IL1R1: variants seen among roughly 807,000 people sequenced by gnomAD.
The protein encoded by IL1R1 is interleukin 1 receptor type 1.
In IL1R1, 22 loss-of-function variants were observed where a neutral mutation model predicts 50.2. The observed-to-expected ratio is 0.44, with a 90% CI of 0.31 to 0.63. The LOEUF is 0.63. Among genes scored for constraint, IL1R1 ranks in the 20% least tolerant of loss-of-function variants. IL1R1 has a pLI of 0.07. For missense variants in IL1R1, 509 were observed against 676.2 expected (o/e 0.75, Z 2.74); for synonymous variants, 251 against 236.7 (o/e 1.06, Z -0.55).
intron 1 of IL1R1, among the ~76,000 whole-genome samples, chr2:102,096,538 T>A (rs1655944855): frequency 6.6e-6 from 1 of 152,146 alleles, no homozygotes; most frequent in Admixed American, 6.5e-5. Flanking sequence ...CCTGTTTTTG[T>A]CTTTTTTTGC....
intron 1 of IL1R1, among the ~76,000 whole-genome samples, chr2:102,098,541 C>T (rs77325049): frequency 6.6e-6 from 1 of 152,048 alleles, no homozygotes; most frequent in Non-Finnish European, 1.5e-5. Flanking sequence ...GGGTCATATT[C>T]GACAGTCAAG....
intron 3 of IL1R1, among the ~76,000 whole-genome samples, chr2:102,159,837 T>C (rs1684542596): frequency 6.6e-6 from 1 of 152,342 alleles, no homozygotes; most frequent in East Asian, 1.9e-4. Context: ...GCTCTTGATA[T>C]TCATGGCTGT....
At chr2:102,166,372 C>A (rs1578020775) in intron 6 of IL1R1, 91 bp downstream of exon 6, 1 of 996,028 alleles carries the variant, frequency 1.0e-6, no homozygotes, top group East Asian at 2.6e-5. Flanking sequence ...ATGAAGAAAC[C>A]AAATCCAAGA....
chr2:102,082,624 C>CAAACA (rs139456099), intron 1 of IL1R1, among the ~76,000 whole-genome samples: 27,363 of 151,868 alleles, frequency 0.18, 2,935 homozygotes, highest in East Asian at 0.52. Flanking sequence ...ACTGCTTCAT[C>CAAACA]AAACAAAACA....
At position 102,094,374 on chromosome 2, in the gene IL1R1, A is replaced by G. The variant is rs148027856; in HGVS notation, c.-84+23841A>G. Among the ~76,000 whole-genome samples the G allele has an allele frequency of 2.2e-3, 332 of 152,318 alleles. 2 individuals carry two copies. The highest frequency in any genetic ancestry group is 7.7e-3 in the African/African-American group (321 of 41,580). ...TTAAATTACAGTATCAGAGAACCTG[A>G]TAGATATGGGGTCTGATTATAAAGA... On this transcript the variant is annotated intron_variant, in intron 1 of 11. Coordinates refer to the IL1R1 transcript ENST00000409929.
At chr2:102,092,792 C>T (rs139108814) in intron 1 of IL1R1, among the ~76,000 whole-genome samples, 1 of 151,970 alleles carries the variant, frequency 6.6e-6, no homozygotes, top group Non-Finnish European at 1.5e-5. Context: ...GGGGTGGAGC[C>T]GTGTCCAAAG....
At chr2:102,168,219 G>A (rs1056212941) in intron 6 of IL1R1, among the ~76,000 whole-genome samples, 1 of 152,170 alleles carries the variant, frequency 6.6e-6, no homozygotes, top group Non-Finnish European at 1.5e-5. Flanking sequence ...AGCAGGTCTA[G>A]TATTGACTAG....
intron 1 of IL1R1, among the ~76,000 whole-genome samples, chr2:102,078,724 AC>A (rs1679085403): frequency 6.6e-6 from 1 of 152,170 alleles, no homozygotes; most frequent in Admixed American, 6.5e-5. Flanking sequence ...AGGAAGGGAC[AC>A]TTGCGAATTC....
chr2:102,164,292 G>GT (rs1684977363), intron 3 of IL1R1, among the ~76,000 whole-genome samples: 1 of 152,052 alleles, frequency 6.6e-6, no homozygotes, highest in East Asian at 1.9e-4. Context: ...CTTTGCCTGT[G>GT]TTTTTTCTCG....
At chr2:102,118,879 G>C (rs932366474) in intron 1 of IL1R1, among the ~76,000 whole-genome samples, 1 of 151,870 alleles carries the variant, frequency 6.6e-6, no homozygotes, top group South Asian at 2.1e-4. Context: ...TTAGCCAGGC[G>C]TGGTGGCAGG....
chr2:102,167,990 C>CT (rs1332775970), intron 6 of IL1R1, among the ~76,000 whole-genome samples: 3 of 151,430 alleles, frequency 2.0e-5, no homozygotes, highest in East Asian at 3.9e-4. Flanking sequence ...ATGGTGTTCA[C>CT]TTTTTTTTTG....
chr2:102,175,487 G>A lies in IL1R1; in HGVS notation c.1145G>A (p.Gly382Glu), dbSNP rs1332478557. Residue 382 changes from glycine (G) to glutamate (E), a missense_variant, in exon 11 of 12, where the codon GGA (glycine) becomes GAA (glutamate). Physicochemically the swap from Gly to Glu is moderately conservative, Grantham distance 98. Transcript: ENST00000410023. ...TATGTTTTTCCTTTAGCTTCAGATG[G>A]AAAGACCTATGACGCATATATACTG... Reference protein sequence around the residue: ...YDFLPIKASDGKTYDAYILYP... With the variant: ...YDFLPIKASDEKTYDAYILYP... The A allele has an allele frequency of 1.2e-6, 2 of 1,612,866 alleles. No individual in the cohort carries two copies. The highest frequency in any genetic ancestry group is 2.7e-5 in the African/African-American group (2 of 74,884).
At chr2:102,123,018 G>C (rs56793250) in intron 1 of IL1R1, among the ~76,000 whole-genome samples, 28,059 of 152,162 alleles carry the variant, frequency 0.18, 2,715 homozygotes, top group South Asian at 0.2. Context: ...AGGGAAATTG[G>C]TTTACTTTAG....
intron 3 of IL1R1, among the ~76,000 whole-genome samples, chr2:102,160,861 G>A (rs1163461208): frequency 1.3e-5 from 2 of 152,154 alleles, no homozygotes; most frequent in African/African-American, 4.8e-5. Flanking sequence ...GTTTTGCGTG[G>A]TATGGCACAC....
intron 5 of IL1R1, 35 bp downstream of exon 5, chr2:102,165,339 C>T (rs1324982929): frequency 8.1e-7 from 1 of 1,240,908 alleles, no homozygotes; most frequent in Non-Finnish European, 1.1e-6. Flanking sequence ...TTCACTTTTC[C>T]AGAAAATAAA....
At chr2:102,146,823 G>A (rs565819173) in intron 1 of IL1R1, among the ~76,000 whole-genome samples, 69 of 152,276 alleles carry the variant, frequency 4.5e-4, no homozygotes, top group Non-Finnish European at 9.0e-4. Context: ...TGCCTGTGTT[G>A]TTCCGGATGT....
chr2:102,120,774 AG>A (rs1681361169), intron 1 of IL1R1, among the ~76,000 whole-genome samples: 1 of 152,214 alleles, frequency 6.6e-6, no homozygotes, highest in South Asian at 2.1e-4. Context: ...CACGCTCTGC[AG>A]GTGGGTAGGG....
At chr2:102,083,999 T>A (rs952111578) in intron 1 of IL1R1, among the ~76,000 whole-genome samples, 4 of 152,200 alleles carry the variant, frequency 2.6e-5, no homozygotes, top group Admixed American at 2.6e-4. Context: ...TAATTTTGTT[T>A]TTGCCCTGCC....
At chr2:102,109,353 C>T (rs998846599) in intron 1 of IL1R1, among the ~76,000 whole-genome samples, 1 of 150,416 alleles carries the variant, frequency 6.6e-6, no homozygotes, top group African/African-American at 2.5e-5. Context: ...GAATCTTTCT[C>T]GCAACCTTGA....
Sources: allele counts gnomAD v4.1 joint callset (sites outside exome capture counted in the v4.1 genomes callset), GRCh38; gene constraint gnomAD v4.1.1; transcripts MANE v1.5; gene names NCBI Gene and HGNC (gene_info 2026-07-23, HGNC 2026-07-21).